Variants in USP53 observed in about 807,000 individuals in gnomAD.
USP53 encodes ubiquitin specific peptidase 53.
Under a neutral mutation model 94.9 loss-of-function variants are expected in USP53, and 71 were observed. That is an observed-to-expected ratio of 0.75 (90% CI 0.62 to 0.91). The LOEUF (loss-of-function observed/expected upper bound fraction) is 0.91. Among genes scored for constraint, USP53 ranks in the 40% least tolerant of loss-of-function variants. The probability of loss-of-function intolerance (pLI) is 0.00; values close to 1 mark genes in which losing one functional copy is unlikely to be tolerated. For missense variants in USP53, 1,173 were observed against 1,281.0 expected (o/e 0.92, Z 1.29); for synonymous variants, 375 against 422.7 (o/e 0.89, Z 1.39).
intron 12 of USP53, among the ~76,000 whole-genome samples, chr4:119,263,059 A>G (rs887820872): frequency 1.1e-4 from 16 of 152,174 alleles, no homozygotes; most frequent in Admixed American, 8.5e-4. Flanking sequence ...GTAGAATTCT[A>G]TTTAGTTCCA....
At position 119,260,596 on chromosome 4, in the gene USP53, T is replaced by C. The variant is rs546695616; in HGVS notation, c.765T>C (p.His255=). 6.2e-7 allele frequency: 1 copy of C among 1,613,896 alleles called. No individual in the cohort carries two copies. Among genetic ancestry groups the C allele is most frequent in the East Asian group, 2.2e-5 (1 of 44,864 alleles). ...VTIGLVWDSE[H]SDLTEAVVRN... The stretch of plus-strand genomic sequence containing the variant: ...TTGGTTTAGTCTGGGACTCCGAGCA[T>C]TCTGACTTGACCGAAGCTGTTGTTC... The change falls in exon 11 of 19, where the codon CAT becomes CAC. Residue 255 remains histidine (H), a synonymous_variant. Coordinates refer to ENST00000692078, the MANE Select transcript of USP53 (RefSeq NM_001371395.1).
intron 3 of USP53, among the ~76,000 whole-genome samples, chr4:119,226,790 TAGAG>T (rs957998056): frequency 1.3e-5 from 2 of 152,164 alleles, no homozygotes; most frequent in African/African-American, 4.8e-5. Flanking sequence ...CCTAGTAGAA[TAGAG>T]AGACCAGAAA....
At chr4:119,240,818 A>G (rs1287632659) in intron 5 of USP53, among the ~76,000 whole-genome samples, 1 of 152,158 alleles carries the variant, frequency 6.6e-6, no homozygotes, top group East Asian at 1.9e-4. Flanking sequence ...TAACTCACCC[A>G]GCGAAAGAGA....
At chr4:119,278,156 G>C (rs1186126039) in intron 17 of USP53, among the ~76,000 whole-genome samples, 1 of 147,752 alleles carries the variant, frequency 6.8e-6, no homozygotes. Flanking sequence ...ATGTTAGCTG[G>C]TGATTTTGCT....
intron 3 of USP53, among the ~76,000 whole-genome samples, chr4:119,227,439 G>A (rs1462246819): frequency 6.6e-6 from 1 of 152,070 alleles, no homozygotes. Flanking sequence ...GACCATCCTG[G>A]CTAACTGGGT....
intron 12 of USP53, among the ~76,000 whole-genome samples, chr4:119,264,434 C>T (rs950691290): frequency 2.0e-5 from 3 of 151,904 alleles, no homozygotes; most frequent in Non-Finnish European, 2.9e-5. Context: ...AATGACAAAC[C>T]GTATACTGAG....
chr4:119,223,491 C>T (rs994360812), intron 3 of USP53, among the ~76,000 whole-genome samples: 7 of 152,254 alleles, frequency 4.6e-5, no homozygotes, highest in South Asian at 4.1e-4. Context: ...ATTTGAAGAT[C>T]GCTGCCTTTA....
At chr4:119,262,175 T>TG (rs1750595410) in intron 12 of USP53, among the ~76,000 whole-genome samples, 1 of 152,236 alleles carries the variant, frequency 6.6e-6, no homozygotes, top group Admixed American at 6.5e-5. Context: ...GACGCATACT[T>TG]GCTATATTTA....
chr4:119,234,441 T>C (rs1249443727), intron 3 of USP53, among the ~76,000 whole-genome samples: 2 of 152,202 alleles, frequency 1.3e-5, no homozygotes, highest in African/African-American at 2.4e-5. Context: ...ATGGAAGCCA[T>C]AATATTTTTA....
intron 12 of USP53, 123 bp from the exon 13 acceptor site, chr4:119,267,197 A>T: frequency 1.3e-6 from 1 of 743,772 alleles, no homozygotes; most frequent in Non-Finnish European, 2.1e-6. Flanking sequence ...TACATACTTG[A>T]ACTACTAGCA....
rs576947519 is a variant in USP53 at position 119,281,762 on chromosome 4, T to C, written c.2251+8054T>C. On this transcript the variant is annotated intron_variant, in intron 17 of 18. Coordinates refer to ENST00000692078, the MANE Select transcript of USP53 (RefSeq NM_001371395.1). ...AAGAACTTTGCAGGAGGTTTCCTCATTTAATATGAAAGTGTGTGTGTGATG... is the reference window on the plus strand; with the variant it reads ...AAGAACTTTGCAGGAGGTTTCCTCACTTAATATGAAAGTGTGTGTGTGATG... 1.3e-4 allele frequency among the ~76,000 whole-genome samples: 20 copies of C among 152,322 alleles called. 1 individual carries two copies. In the South Asian group the frequency reaches 3.7e-3, roughly 28 times the overall value.
chr4:119,273,576 C>A, intron 16 of USP53, 56 bp from the exon 17 acceptor site: 8 of 1,325,852 alleles, frequency 6.0e-6, no homozygotes, highest in Non-Finnish European at 8.5e-6. Flanking sequence ...TTTTTTTAGA[C>A]TAAACAAAGG....
chr4:119,248,664 T>G, intron 6 of USP53, 84 bp from the exon 7 acceptor site: 1 of 1,498,338 alleles, frequency 6.7e-7, no homozygotes. Flanking sequence ...GTATAGTGTT[T>G]TGAGTTTCTC....
rs1376598406 is a variant in USP53, at chr4:119,227,256, T to TATACACACACACAC, written c.-664-8033_-664-8032insTACACACACACACA. Among the ~76,000 whole-genome samples, 236 of 125,122 alleles carry TATACACACACACAC rather than the reference T, an allele frequency of 1.9e-3. 1 individual carries two copies. The highest frequency in any genetic ancestry group is 3.4e-3 in the African/African-American group (107 of 31,262). 82.1% of individuals were successfully genotyped at this position (125,122 alleles called of 152,430 possible). The stretch of plus-strand genomic sequence containing the variant: ...ATTAATCCAAAGCCTTGTCTAACAC[T>TATACACACACACAC]ACACACACACACACACACACACACA... On this transcript the variant is annotated intron_variant, in intron 3 of 18. Transcript: ENST00000692078.
intron 2 of USP53, 71 bp downstream of exon 2, chr4:119,214,293 C>G (rs776880455): frequency 6.6e-5 from 10 of 151,994 alleles, no homozygotes; most frequent in Non-Finnish European, 1.5e-4. Context: ...TTAAAATAAG[C>G]TCCTTGATAC....
Position 119,260,532 on chromosome 4 carries a change from T to C in USP53, c.701T>C (p.Ile234Thr). The C allele has an allele frequency of 6.2e-7, 1 of 1,613,752 alleles. No individual in the cohort carries two copies. Among genetic ancestry groups the C allele is most frequent in the South Asian group, 1.1e-5 (1 of 91,026 alleles). Residue 234 changes from isoleucine to threonine, a missense_variant, in exon 11 of 19, where the codon ATT becomes ACT. Physicochemically the swap from Ile to Thr is moderately conservative, Grantham distance 89. Transcript: ENST00000692078. ...CPSNCGQKIK[I>T]RRVLMNCPEI... The stretch of plus-strand genomic sequence containing the variant: ...AGTAACTGTGGCCAAAAAATAAAAA[T>C]TCGCCGTGTTTTAATGAATTGCCCA...
intron 3 of USP53, among the ~76,000 whole-genome samples, chr4:119,233,722 GTC>G (rs1197141040): frequency 6.6e-6 from 1 of 152,048 alleles, no homozygotes; most frequent in African/African-American, 2.4e-5. Context: ...GGTCTCTTTA[GTC>G]TTTTTTCTTA....
At chr4:119,235,442 A>AT (rs150223457) in intron 4 of USP53, 31 bp downstream of exon 4, 32,841 of 151,286 alleles carry the variant, frequency 0.22, 4,151 homozygotes, top group South Asian at 0.32. Flanking sequence ...CTAATTTTTT[A>AT]TTTTTTTTGA....
intron 5 of USP53, among the ~76,000 whole-genome samples, chr4:119,243,215 G>A (rs1048758222): frequency 1.3e-5 from 2 of 152,002 alleles, no homozygotes; most frequent in South Asian, 4.1e-4. Flanking sequence ...AAATGAAATG[G>A]GACCAGGAAC....
Sources: allele counts gnomAD v4.1 joint callset (sites outside exome capture counted in the v4.1 genomes callset), GRCh38; gene constraint gnomAD v4.1.1; transcripts MANE v1.5; gene names NCBI Gene and HGNC (gene_info 2026-07-23, HGNC 2026-07-21).